CHST9: variants seen among roughly 807,000 people sequenced by gnomAD.
CHST9 encodes GalNAc-4-sulfotransferase 2.
A neutral mutation model predicts 44.4 loss-of-function variants in CHST9; 41 were observed. That is an observed-to-expected ratio of 0.92 (90% CI 0.72 to 1.20). The LOEUF is 1.20. Ranked by LOEUF, CHST9 falls within the 50% of genes most tolerant of loss-of-function variation. The pLI, the probability that CHST9 is intolerant of heterozygous loss-of-function variation, is 0.00. For synonymous variants in CHST9, 171 were observed against 178.4 expected (o/e 0.96, Z 0.33); for missense variants, 504 against 516.5 (o/e 0.98, Z 0.23).
chr18:27,018,274 C>T (rs575745791), intron 4 of CHST9, among the ~76,000 whole-genome samples: 52 of 152,250 alleles, frequency 3.4e-4, no homozygotes, highest in African/African-American at 1.2e-3. Flanking sequence ...TACTCCGAAC[C>T]TCAATGAGAA....
intron 4 of CHST9, among the ~76,000 whole-genome samples, chr18:26,947,943 C>G (rs184554394): frequency 1.3e-5 from 2 of 152,128 alleles, no homozygotes; most frequent in African/African-American, 4.8e-5. Flanking sequence ...AAGACACATG[C>G]GAACGTATGT....
intron 4 of CHST9, among the ~76,000 whole-genome samples, chr18:26,990,472 CA>C (rs1238058976): frequency 1.3e-5 from 2 of 152,084 alleles, no homozygotes; most frequent in Non-Finnish European, 2.9e-5. Flanking sequence ...TGTTATGCTC[CA>C]AAAACTATTT....
intron 4 of CHST9, among the ~76,000 whole-genome samples, chr18:27,019,328 G>C (rs760061912): frequency 5.3e-5 from 8 of 152,300 alleles, no homozygotes; most frequent in Middle Eastern, 3.4e-3. Flanking sequence ...TACTCCGAGA[G>C]AGAGTATGCT....
At chr18:27,061,904 G>T (rs1158775401) in intron 2 of CHST9, among the ~76,000 whole-genome samples, 1 of 152,176 alleles carries the variant, frequency 6.6e-6, no homozygotes, top group East Asian at 1.9e-4. Flanking sequence ...TGGAATGCAA[G>T]CATGTCGAAA....
At chr18:27,139,396 C>T (rs1380891050) in intron 2 of CHST9, among the ~76,000 whole-genome samples, 1 of 151,868 alleles carries the variant, frequency 6.6e-6, no homozygotes, top group Non-Finnish European at 1.5e-5. Flanking sequence ...TTTTTTTAAA[C>T]TTAACATCAA....
At chr18:26,956,056 G>A (rs2056318105) in intron 4 of CHST9, among the ~76,000 whole-genome samples, 2 of 151,960 alleles carry the variant, frequency 1.3e-5, no homozygotes, top group East Asian at 3.9e-4. Flanking sequence ...CAGCACTTTG[G>A]GAGGCTGAGG....
intron 3 of CHST9, among the ~76,000 whole-genome samples, chr18:27,043,519 G>A (rs901737849): frequency 2.0e-5 from 3 of 151,972 alleles, no homozygotes; most frequent in African/African-American, 2.4e-5. Flanking sequence ...TTATCCTCCC[G>A]TACCTTCCAT....
At chr18:27,086,587 C>G (rs1360394792) in intron 2 of CHST9, among the ~76,000 whole-genome samples, 1 of 152,148 alleles carries the variant, frequency 6.6e-6, no homozygotes, top group Non-Finnish European at 1.5e-5. Context: ...TCTAAGGTGA[C>G]ACTGCTTTTA....
At chr18:27,117,227 C>T (rs1007707401) in intron 2 of CHST9, among the ~76,000 whole-genome samples, 1 of 152,024 alleles carries the variant, frequency 6.6e-6, no homozygotes, top group South Asian at 2.1e-4. Context: ...TGCTAAGTGA[C>T]TCCTACATTT....
At chr18:27,184,455 A>C (rs1231642825) in intron 1 of CHST9, among the ~76,000 whole-genome samples, 1 of 152,178 alleles carries the variant, frequency 6.6e-6, no homozygotes, top group Non-Finnish European at 1.5e-5. Flanking sequence ...TAACAGCAGC[A>C]GAAACAAACA....
chr18:27,015,937 C>T (rs1378157251), intron 4 of CHST9, among the ~76,000 whole-genome samples: 1 of 152,160 alleles, frequency 6.6e-6, no homozygotes, highest in African/African-American at 2.4e-5. Flanking sequence ...CTTCTACAAA[C>T]TTCTTCAGTA....
intron 4 of CHST9, among the ~76,000 whole-genome samples, chr18:27,015,716 AG>A (rs2057145308): frequency 6.6e-6 from 1 of 152,180 alleles, no homozygotes; most frequent in South Asian, 2.1e-4. Context: ...ACATGGTTTC[AG>A]GCCTTCTTTT....
chr18:27,126,966 G>A (rs1402720765), intron 2 of CHST9, among the ~76,000 whole-genome samples: 1 of 152,198 alleles, frequency 6.6e-6, no homozygotes, highest in Non-Finnish European at 1.5e-5. Context: ...AGGCAGAGAG[G>A]AAGGAAGAGG....
intron 4 of CHST9, among the ~76,000 whole-genome samples, chr18:27,014,896 C>A (rs890736501): frequency 1.3e-5 from 2 of 152,068 alleles, no homozygotes; most frequent in Non-Finnish European, 2.9e-5. Context: ...TTTAGGGTCT[C>A]TCTCTTTTCT....
At chr18:27,134,964 T>C (rs2058501555) in intron 2 of CHST9, among the ~76,000 whole-genome samples, 1 of 152,170 alleles carries the variant, frequency 6.6e-6, no homozygotes, top group Non-Finnish European at 1.5e-5. Flanking sequence ...AAGACATCTA[T>C]GGTACACTAT....
intron 4 of CHST9, among the ~76,000 whole-genome samples, chr18:26,984,124 T>C (rs191346660): frequency 4.9e-4 from 75 of 152,310 alleles, no homozygotes; most frequent in Non-Finnish European, 8.7e-4. Flanking sequence ...AATTTACACC[T>C]GACTAGCCAT....
intron 2 of CHST9, among the ~76,000 whole-genome samples, chr18:27,056,602 T>A (rs1291678844): frequency 6.6e-6 from 1 of 152,212 alleles, no homozygotes; most frequent in Non-Finnish European, 1.5e-5. Context: ...AATCTCTACA[T>A]GTTTTGAGTG....
At chr18:27,143,510 T>C (rs1312585925) in intron 1 of CHST9, among the ~76,000 whole-genome samples, 1 of 152,164 alleles carries the variant, frequency 6.6e-6, no homozygotes, top group Non-Finnish European at 1.5e-5. Context: ...TCTACCTCAG[T>C]AATAAAGAGC....
intron 4 of CHST9, among the ~76,000 whole-genome samples, chr18:26,967,919 G>T (rs555006303): frequency 1.7e-4 from 26 of 152,316 alleles, no homozygotes; most frequent in African/African-American, 6.0e-4. Context: ...TCCCATACTG[G>T]ATGCTTCCTG....
Sources: gnomAD v4.1 joint callset for allele counts (sites outside exome capture counted in the v4.1 genomes callset) on GRCh38, gnomAD v4.1.1 for gene constraint, MANE v1.5 for transcripts, NCBI Gene and HGNC (gene_info 2026-07-23, HGNC 2026-07-21) for gene names.